The following CDKN2B-AS1 variants were observed in gnomAD, a reference collection of about 807,000 sequenced individuals.
CDKN2B-AS1 encodes the protein CDKN2B and CDKN2A antisense cis and trans regulatory RNA 1, also known as CDKN2B antisense RNA 1 (non-protein coding).
At chr9:22,111,186 G>A (rs935783115) in intron 4 of CDKN2B-AS1, among the ~76,000 whole-genome samples, 1 of 151,984 alleles carries the variant, frequency 6.6e-6, no homozygotes, top group Admixed American at 6.6e-5. Flanking sequence ...GTATGTATCT[G>A]TCTGTCTGTT....
intron 4 of CDKN2B-AS1, among the ~76,000 whole-genome samples, chr9:22,089,276 C>T (rs1587514734): frequency 6.6e-6 from 1 of 151,976 alleles, no homozygotes; most frequent in Non-Finnish European, 1.5e-5. Flanking sequence ...GATACTTGAT[C>T]AAAATAATGT....
At chr9:22,033,571 T>G (rs1335903856) in intron 1 of CDKN2B-AS1, among the ~76,000 whole-genome samples, 1 of 152,162 alleles carries the variant, frequency 6.6e-6, no homozygotes, top group Non-Finnish European at 1.5e-5. Flanking sequence ...AAGCATAACA[T>G]ATAATAACAA....
rs572380067 is a variant in CDKN2B-AS1, at chr9:22,000,991, A to G, written n.29+5830A>G. Among the ~76,000 whole-genome samples the G allele has an allele frequency of 2.0e-5, 3 of 152,136 alleles. No homozygotes were observed. Among genetic ancestry groups the G allele is most frequent in the Non-Finnish European group, 4.4e-5 (3 of 68,008 alleles). On this transcript the variant is annotated intron_variant and non_coding_transcript_variant, in intron 1 of 4. Transcript: ENST00000650946. The surrounding 1 kb of genome is among the most constrained non-coding windows in gnomAD (Gnocchi z 4.1). The stretch of plus-strand genomic sequence containing the variant: ...CAGAAAGAAGTGGAATGGAATTATC[A>G]GGGAGACCCAGTTTTTAGCCAAGAC...
At chr9:22,127,546 C>A (rs1226494521) in exon 5 of CDKN2B-AS1, among the ~76,000 whole-genome samples, 1 of 152,098 alleles carries the variant, frequency 6.6e-6, no homozygotes, top group African/African-American at 2.4e-5. Flanking sequence ...CATTGTTTAA[C>A]AGAGAAGGAT....
At chr9:22,061,513 G>A (rs1427409063) in intron 4 of CDKN2B-AS1, among the ~76,000 whole-genome samples, 1 of 152,108 alleles carries the variant, frequency 6.6e-6, no homozygotes, top group Non-Finnish European at 1.5e-5. Flanking sequence ...TTATTAATAT[G>A]TGTCTGACTG....
intron 4 of CDKN2B-AS1, among the ~76,000 whole-genome samples, chr9:22,071,926 T>C (rs997846930): frequency 6.6e-6 from 1 of 152,192 alleles, no homozygotes; most frequent in Non-Finnish European, 1.5e-5. Flanking sequence ...ATCTAGGACA[T>C]GTGGAATCTT....
Position 22,126,574 on chromosome 9 carries a change from C to CTTTTTTTTTTTTTTTTTTTTT in CDKN2B-AS1, n.439-528_439-508dup, listed in dbSNP as rs34700018. On this transcript the variant is annotated intron_variant and non_coding_transcript_variant, in intron 4 of 4. Coordinates refer to ENST00000650946, the Ensembl canonical transcript of CDKN2B-AS1. Reference sequence around the variant, plus strand: ...TGAATGGGGATGGAGTAAGTGGATTCTTTTTTTTTTTTTTTTTTTTTGAGA... The same window carrying CTTTTTTTTTTTTTTTTTTTTT: ...TGAATGGGGATGGAGTAAGTGGATTCTTTTTTTTTTTTTTTTTTTTTTTTTTTTTTTTTTTTTTTTTTGAGA... 1.2e-4 allele frequency among the ~76,000 whole-genome samples: 13 copies of CTTTTTTTTTTTTTTTTTTTTT among 104,892 alleles called. 2 individuals carry two copies. The highest frequency in any genetic ancestry group is 5.2e-4 in the African/African-American group (13 of 25,236). 68.8% of individuals were successfully genotyped at this position (104,892 alleles called of 152,430 possible).
At position 22,056,247 on chromosome 9, in the gene CDKN2B-AS1, T is replaced by TTTTTTTTTTTTTTTTTTC. The variant is rs397743274; in HGVS notation, n.303-5_303-4insTTTTTTTTTTTTTTTTTC. ...ATATATATATATATTTTTTTTTTTT[T>TTTTTTTTTTTTTTTTTTC]CCAGTAGAGACGGGGTTTCACCATG... is the stretch of plus-strand genomic sequence containing the variant. On this transcript the variant is annotated splice_region_variant and splice_polypyrimidine_tract_variant and intron_variant and non_coding_transcript_variant, in intron 3 of 4. Transcript: ENST00000650946. 1.7e-3 allele frequency: 219 copies of TTTTTTTTTTTTTTTTTTC among 132,210 alleles called. 2 individuals are homozygous for TTTTTTTTTTTTTTTTTTC. The highest frequency in any genetic ancestry group is 2.8e-3 in the Non-Finnish European group (169 of 60,294). The allele number at this position is 132,210 out of a possible 1,614,324, so 8.2% of individuals were successfully genotyped here.
rs539910715 is a variant in CDKN2B-AS1, at chr9:22,018,470, A to G, written n.29+23309A>G. 5.9e-5 allele frequency among the ~76,000 whole-genome samples: 9 copies of G among 152,148 alleles called. No individual in the cohort carries two copies. In the East Asian group the frequency reaches 1.7e-3, roughly 30 times the overall value. ...GTCAGCAGTTCAGACCAGCCTGGCC[A>G]ACATGGCGAAACCCCGTCTCTACTA... On this transcript the variant is annotated intron_variant and non_coding_transcript_variant, in intron 1 of 4. Coordinates refer to ENST00000650946, the Ensembl canonical transcript of CDKN2B-AS1.
At position 22,003,888 on chromosome 9, in the gene CDKN2B-AS1, A is replaced by T. The variant is rs181031884; in HGVS notation, n.29+8727A>T. 3,655 of 231,882 alleles carry T rather than the reference A, an allele frequency of 0.016. 331 individuals are homozygous for T. The East Asian group carries it at 0.19, about 12-fold the overall frequency. 14.4% of individuals were successfully genotyped at this position (231,882 alleles called of 1,614,324 possible). ...TCATTGTGTATTTCTGCTTTTTTTT[A>T]AAAAAAGTTATCTTCATGTGTATCA... On this transcript the variant is annotated intron_variant and non_coding_transcript_variant, in intron 1 of 4. Coordinates refer to ENST00000650946, the Ensembl canonical transcript of CDKN2B-AS1.
chr9:22,100,582 C>T (rs942944664), intron 4 of CDKN2B-AS1, among the ~76,000 whole-genome samples: 1 of 152,018 alleles, frequency 6.6e-6, no homozygotes, highest in African/African-American at 2.4e-5. Flanking sequence ...ACATTGCAGC[C>T]GTTTTTGCTT....
Position 22,032,683 on chromosome 9 carries a change from A to C in CDKN2B-AS1, n.30-14068A>C, listed in dbSNP as rs372718738. The C allele has an allele frequency of 3.3e-5, 5 of 151,982 alleles. No individual in the cohort carries two copies. The East Asian group carries it at 9.9e-4, about 30-fold the overall frequency. 9.4% of individuals were successfully genotyped at this position (151,982 alleles called of 1,614,324 possible). A position where few individuals can be genotyped will look rare whatever the true frequency, so the allele number is the denominator to read the frequency against. ...CTCTTTTCTTCCACAGGCAATTTAT[A>C]GCACTGATCTGTCATCAATACCACT... On this transcript the variant is annotated intron_variant and non_coding_transcript_variant, in intron 1 of 4. Transcript: ENST00000650946.
At chr9:21,998,631 GTTT>G (rs1012297382) in intron 1 of CDKN2B-AS1, among the ~76,000 whole-genome samples, 6 of 152,204 alleles carry the variant, frequency 3.9e-5, no homozygotes, top group African/African-American at 9.6e-5. Context: ...AGTTAATTGA[GTTT>G]TTTTTAACAG....
chr9:22,084,090 T>C (rs1824788356), intron 4 of CDKN2B-AS1, among the ~76,000 whole-genome samples: 2 of 152,352 alleles, frequency 1.3e-5, no homozygotes, highest in Admixed American at 1.3e-4. Context: ...TTGCACCATT[T>C]CATTGGATTC....
At chr9:22,115,095 C>T (rs1825912045) in intron 4 of CDKN2B-AS1, among the ~76,000 whole-genome samples, 2 of 152,118 alleles carry the variant, frequency 1.3e-5, no homozygotes, top group African/African-American at 4.8e-5. Flanking sequence ...TATAGATTCC[C>T]AGCTGTAGAG....
rs34297943 is a variant in CDKN2B-AS1 at position 21,997,480 on chromosome 9, GGAGAGAGA to G, written n.29+2336_29+2343del. On this transcript the variant is annotated intron_variant and non_coding_transcript_variant, in intron 1 of 4. Coordinates refer to ENST00000650946, the Ensembl canonical transcript of CDKN2B-AS1. The surrounding 1 kb of genome is among the most constrained non-coding windows in gnomAD (Gnocchi z 4.8). The stretch of plus-strand genomic sequence containing the variant: ...ATGTGGGGGAGAGAAAGAGAGGGAG[GGAGAGAGA>G]GAGAGAGAGAGAGAGAAAGAGAAAG... Among the ~76,000 whole-genome samples the G allele has an allele frequency of 4.1e-5, 6 of 146,036 alleles. No homozygotes were observed. Among genetic ancestry groups the G allele is most frequent in the South Asian group, 2.2e-4 (1 of 4,602 alleles).
intron 1 of CDKN2B-AS1, among the ~76,000 whole-genome samples, chr9:22,034,765 T>A (rs1275309125): frequency 1.3e-5 from 2 of 152,288 alleles, no homozygotes; most frequent in East Asian, 3.9e-4. Flanking sequence ...TCATCTCTGC[T>A]GTTGTAATAA....
intron 1 of CDKN2B-AS1, chr9:22,012,137 C>A: frequency 8.9e-7 from 1 of 1,127,916 alleles, no homozygotes; most frequent in Non-Finnish European, 1.3e-6. Context: ...GCGAGGCAGC[C>A]GAGCTGCAGA....
chr9:22,044,549 A>C (rs1823028873), intron 1 of CDKN2B-AS1, among the ~76,000 whole-genome samples: 7 of 152,022 alleles, frequency 4.6e-5, no homozygotes, highest in Admixed American at 4.6e-4. Flanking sequence ...CACTTTAGTT[A>C]TTAATATTCT....
Sources: gnomAD v4.1 joint callset for allele counts (sites outside exome capture counted in the v4.1 genomes callset) on GRCh38, gnomAD v4.1.1 for gene constraint, Gnocchi (gnomAD v3.1) non-coding constraint, MANE v1.5 for transcripts, NCBI Gene and HGNC (gene_info 2026-07-23, HGNC 2026-07-21) for gene names.